The following VTCN1 variants were observed in gnomAD, a reference collection of about 807,000 sequenced individuals.
VTCN1 encodes the protein V-set domain-containing T-cell activation inhibitor 1.
Under a neutral mutation model 26.5 loss-of-function variants are expected in VTCN1, and 26 were observed. The observed-to-expected ratio is 0.98, with a 90% CI of 0.72 to 1.36. VTCN1 has a LOEUF of 1.36. Ranked by LOEUF, VTCN1 falls within the 40% of genes most tolerant of loss-of-function variation. The pLI, the probability that VTCN1 is intolerant of heterozygous loss-of-function variation, is 0.00. For missense variants in VTCN1, 298 were observed against 337.7 expected, an observed-to-expected ratio of 0.88 and a Z score of 0.92; for synonymous variants, 116 against 130.7, an observed-to-expected ratio of 0.89 and a Z score of 0.77.
rs557660675 is a variant in VTCN1 at position 117,144,229 on chromosome 1, TTGGGTAGTTGTAA to T, written c.*1029_*1041del. 31 of 152,292 alleles carry T rather than the reference TTGGGTAGTTGTAA, an allele frequency of 2.0e-4. No homozygotes were observed. The highest frequency in any genetic ancestry group is 6.7e-4 in the African/African-American group (28 of 41,534). 9.4% of individuals were successfully genotyped at this position (152,292 alleles called of 1,614,324 possible). A position where few individuals can be genotyped will look rare whatever the true frequency, so the allele number is the denominator to read the frequency against. Reference sequence around the variant, plus strand: ...GCCCTGACACAGTTGACACTTCGGATTGGGTAGTTGTAATGGGGAGACGTCCTGTACATGGTAG... The same window carrying T: ...GCCCTGACACAGTTGACACTTCGGATTGGGGAGACGTCCTGTACATGGTAG... On this transcript the variant is annotated 3_prime_UTR_variant, in exon 6 of 6. Coordinates refer to ENST00000369458, the MANE Select transcript of VTCN1 (RefSeq NM_024626.4).
In VTCN1 at chr1:117,147,332, G is replaced by GT. The variant is rs1651561696; in HGVS notation, c.*45+280dup. On this transcript the variant is annotated intron_variant, in intron 5 of 5. Coordinates refer to ENST00000369458, the MANE Select transcript of VTCN1 (RefSeq NM_024626.4). The surrounding 1 kb of genome is among the most constrained non-coding windows in gnomAD (Gnocchi z 4.6). ...CTAAATATCTCTTTCTCTTCAATAAGTTATTTTGCCTTCATTGATGACTGA... is the reference window on the plus strand; with the variant it reads ...CTAAATATCTCTTTCTCTTCAATAAGTTTATTTTGCCTTCATTGATGACTGA... Among the ~76,000 whole-genome samples the GT allele has an allele frequency of 6.6e-6, 1 of 152,136 alleles. No individual in the cohort carries two copies. The highest frequency in any genetic ancestry group is 1.5e-5 in the Non-Finnish European group (1 of 68,008).
intron 1 of VTCN1, among the ~76,000 whole-genome samples, chr1:117,172,645 C>G (rs745632875): frequency 1.3e-5 from 2 of 152,154 alleles, no homozygotes; most frequent in Non-Finnish European, 1.5e-5. Context: ...ATGTGTCCCC[C>G]CCCACATTCA....
intron 4 of VTCN1, among the ~76,000 whole-genome samples, chr1:117,151,472 T>C (rs971458064): frequency 5.9e-5 from 9 of 152,060 alleles, no homozygotes; most frequent in African/African-American, 2.2e-4. Context: ...CCCTACCGGG[T>C]TGCTGCTGCT....
chr1:117,152,688 GC>G (rs150194960), intron 4 of VTCN1, among the ~76,000 whole-genome samples: 8,167 of 152,252 alleles, frequency 0.054, 268 homozygotes, highest in South Asian at 0.079. Flanking sequence ...CAGGGTGGAA[GC>G]AAACCTTGGT....
chr1:117,209,936 C>G (rs191441120), intron 1 of VTCN1, among the ~76,000 whole-genome samples: 3 of 152,348 alleles, frequency 2.0e-5, no homozygotes. Context: ...CTCCTTCCCT[C>G]TCTTCTTTTC....
At chr1:117,154,415 G>T (rs987752056) in intron 3 of VTCN1, among the ~76,000 whole-genome samples, 3 of 152,114 alleles carry the variant, frequency 2.0e-5, no homozygotes, top group African/African-American at 4.8e-5. Flanking sequence ...TGCATAGAAG[G>T]TATAGAGTTC....
At chr1:117,187,295 G>C (rs917049761) in intron 1 of VTCN1, among the ~76,000 whole-genome samples, 2 of 102,546 alleles carry the variant, frequency 2.0e-5, no homozygotes, top group African/African-American at 7.7e-5. Context: ...GGGTAACAGA[G>C]CAAGACCTTG....
At chr1:117,177,968 TCA>T (rs1647449928) in intron 1 of VTCN1, among the ~76,000 whole-genome samples, 1 of 147,754 alleles carries the variant, frequency 6.8e-6, no homozygotes, top group South Asian at 2.2e-4. Flanking sequence ...GGCGACAGCC[TCA>T]TTTTGTTGCC....
rs561974639 is a variant in VTCN1, at chr1:117,163,493, T to A, written c.98-6572A>T. Among the ~76,000 whole-genome samples, 11 of 152,314 alleles carry A rather than the reference T, an allele frequency of 7.2e-5. No individual in the cohort carries two copies. The South Asian group carries it at 2.3e-3, about 32-fold the overall frequency. On this transcript the variant is annotated intron_variant, in intron 2 of 5. Transcript: ENST00000369458. ...TATTAACTACAATCATTTGGAAAGA[T>A]TGCAGATCAGAGCCCCAGGAGGTAA...
chr1:117,206,585 C>G lies in VTCN1; in HGVS notation c.32+4239G>C, dbSNP rs111819977. 8.3e-3 allele frequency among the ~76,000 whole-genome samples: 1,256 copies of G among 152,216 alleles called. 17 individuals are homozygous for G. The highest frequency in any genetic ancestry group is 0.029 in the African/African-American group (1,212 of 41,522). ...CACAGCCATAGTGCTACATTGCCTC[C>G]CTACAACAAGGTGCATGACAGAGTC... On this transcript the variant is annotated intron_variant, in intron 1 of 5. Coordinates refer to ENST00000369458, the MANE Select transcript of VTCN1 (RefSeq NM_024626.4).
Position 117,143,674 on chromosome 1 carries a change from G to A in VTCN1, c.*1597C>T, listed in dbSNP as rs1386075745. The A allele has an allele frequency of 3.3e-5, 5 of 152,138 alleles. No individual in the cohort carries two copies. The highest frequency in any genetic ancestry group is 2.0e-4 in the Admixed American group (3 of 15,260). 9.4% of individuals were successfully genotyped at this position (152,138 alleles called of 1,614,324 possible). On this transcript the variant is annotated 3_prime_UTR_variant, in exon 6 of 6. Transcript: ENST00000369458. ...TATAACAACATGTAATACAGTCACC[G>A]TGGCTCCAAGGTCCAGGAAGGCAGT...
At chr1:117,153,534 G>A (rs1462238006) in intron 3 of VTCN1, among the ~76,000 whole-genome samples, 165 bp from the exon 4 acceptor site, 1 of 146,788 alleles carries the variant, frequency 6.8e-6, no homozygotes, top group Non-Finnish European at 1.5e-5. Context: ...ATAGCCCATT[G>A]TATTATAGGT....
chr1:117,188,640 A>T (rs1648086050), intron 1 of VTCN1, among the ~76,000 whole-genome samples: 1 of 152,200 alleles, frequency 6.6e-6, no homozygotes, highest in African/African-American at 2.4e-5. Context: ...GACTCATCCT[A>T]GGCATCTGAT....
At chr1:117,158,403 CAT>C (rs1434100490) in intron 2 of VTCN1, among the ~76,000 whole-genome samples, 1 of 152,234 alleles carries the variant, frequency 6.6e-6, no homozygotes, top group East Asian at 1.9e-4. Context: ...CTCAACACCA[CAT>C]AGAAGCTGCC....
intron 1 of VTCN1, among the ~76,000 whole-genome samples, chr1:117,193,682 G>A (rs758508220): frequency 2.6e-5 from 4 of 152,042 alleles, no homozygotes; most frequent in Non-Finnish European, 5.9e-5. Context: ...TTCAATAATG[G>A]ACAGATCGTT....
chr1:117,187,633 A>T (rs1648013335), intron 1 of VTCN1, among the ~76,000 whole-genome samples: 1 of 152,164 alleles, frequency 6.6e-6, no homozygotes, highest in South Asian at 2.1e-4. Flanking sequence ...TTGTATTGAA[A>T]TTATCTGGTC....
intron 4 of VTCN1, among the ~76,000 whole-genome samples, chr1:117,151,238 G>A (rs1035223931): frequency 2.1e-5 from 3 of 145,832 alleles, no homozygotes; most frequent in African/African-American, 7.9e-5. Context: ...AATTCTTAAA[G>A]ATGGTGTGTC....
At chr1:117,178,071 C>G (rs1460629710) in intron 1 of VTCN1, among the ~76,000 whole-genome samples, 1 of 151,228 alleles carries the variant, frequency 6.6e-6, no homozygotes, top group East Asian at 1.9e-4. Flanking sequence ...CCCCAAGTAG[C>G]TGGGACTACA....
chr1:117,178,736 T>G (rs4659165), intron 1 of VTCN1, among the ~76,000 whole-genome samples: 111,964 of 151,074 alleles, frequency 0.74, 42,710 homozygotes, highest in East Asian at 0.97. Flanking sequence ...TGGGACTACA[T>G]ACATGTGCCA....
Sources: gnomAD v4.1 joint callset for allele counts (sites outside exome capture counted in the v4.1 genomes callset) on GRCh38, gnomAD v4.1.1 for gene constraint, Gnocchi (gnomAD v3.1) non-coding constraint, MANE v1.5 for transcripts, NCBI Gene and HGNC (gene_info 2026-07-23, HGNC 2026-07-21) for gene names.